Variants in ADGRV1 observed in about 807,000 individuals in gnomAD.
ADGRV1 encodes G-protein coupled receptor 98.
A neutral mutation model predicts 596.2 loss-of-function variants in ADGRV1; 359 were observed. That is an observed-to-expected ratio of 0.60 (90% CI 0.55 to 0.66). The LOEUF (loss-of-function observed/expected upper bound fraction) is 0.66. Among genes scored for constraint, ADGRV1 ranks in the 30% least tolerant of loss-of-function variants. The pLI, the probability that ADGRV1 is intolerant of heterozygous loss-of-function variation, is 0.00. For missense variants in ADGRV1, 7,274 were observed against 7,575.6 expected (o/e 0.96, Z 1.48); for synonymous variants, 2,681 against 2,679.2 (o/e 1.00, Z -0.02).
Position 90,729,762 on chromosome 5 carries a change from T to C in ADGRV1, c.10547T>C (p.Ile3516Thr), listed in dbSNP as rs756294827. Residue 3516 changes from isoleucine to threonine, a missense_variant and splice_region_variant, in exon 50 of 90, where the codon ATA becomes ACA. By Grantham distance (89) the Ile-to-Thr change is moderately conservative (BLOSUM62 -1). Coordinates refer to ENST00000405460, the MANE Select transcript of ADGRV1 (RefSeq NM_032119.4). ...CACTCCTTCACACCAGCCTCAGGAA[T>C]AGGTAAGGACTTTTCAACTGCTCAC... The part of the protein sequence containing the change: ...RIHSFTPASG[I>T]AHILLIGQDM... 77 of 1,613,378 alleles carry C rather than the reference T, an allele frequency of 4.8e-5. No homozygotes were observed. The highest frequency in any genetic ancestry group is 4.2e-4 in the East Asian group (19 of 44,830).
intron 70 of ADGRV1, chr5:90,793,108 TC>T (rs936578515): frequency 1.3e-5 from 2 of 152,342 alleles, no homozygotes; most frequent in African/African-American, 4.8e-5. Context: ...CTGTTGTAGT[TC>T]CTTGGGAAAC....
At chr5:91,021,347 C>T (rs190386451) in intron 85 of ADGRV1, among the ~76,000 whole-genome samples, 3 of 152,112 alleles carry the variant, frequency 2.0e-5, no homozygotes, top group South Asian at 4.1e-4. Flanking sequence ...ACTGTCTTTC[C>T]CTTGGTGGTA....
chr5:90,595,898 CACCT>C (rs1760436938), intron 1 of ADGRV1, among the ~76,000 whole-genome samples: 1 of 149,348 alleles, frequency 6.7e-6, no homozygotes, highest in Non-Finnish European at 1.5e-5. Flanking sequence ...TGACCCCCCC[CACCT>C]CCCTCCCGGA....
At chr5:91,002,815 A>C (rs10514341) in intron 85 of ADGRV1, among the ~76,000 whole-genome samples, 30,463 of 152,072 alleles carry the variant, frequency 0.2, 3,254 homozygotes, top group East Asian at 0.38. Context: ...TTTCAAATAT[A>C]GAGCCTAATT....
chr5:91,130,642 T>C (rs570070245), intron 87 of ADGRV1, among the ~76,000 whole-genome samples: 33 of 152,026 alleles, frequency 2.2e-4, no homozygotes, highest in Non-Finnish European at 3.8e-4. Context: ...ATTTTTTAAA[T>C]TTTAGATTCA....
At chr5:90,783,070 T>C (rs1254733841) in intron 65 of ADGRV1, 54 bp from the exon 66 acceptor site, 1 of 1,447,938 alleles carries the variant, frequency 6.9e-7, no homozygotes, top group Non-Finnish European at 9.7e-7. Flanking sequence ...GGCTGAATCT[T>C]ATAAGTTAGT....
At chr5:91,033,673 C>T (rs774070156) in intron 85 of ADGRV1, among the ~76,000 whole-genome samples, 6 of 152,136 alleles carry the variant, frequency 3.9e-5, no homozygotes, top group African/African-American at 1.2e-4. Context: ...CTCTGTGAGC[C>T]GCAGGACTTC....
intron 85 of ADGRV1, among the ~76,000 whole-genome samples, chr5:91,024,643 A>T (rs909093115): frequency 1.3e-5 from 2 of 151,986 alleles, no homozygotes; most frequent in Non-Finnish European, 2.9e-5. Context: ...TTCCATAAAA[A>T]TTTTTTTTGT....
At chr5:90,944,929 A>G (rs1343376747) in intron 83 of ADGRV1, among the ~76,000 whole-genome samples, 1 of 152,194 alleles carries the variant, frequency 6.6e-6, no homozygotes, top group Non-Finnish European at 1.5e-5. Flanking sequence ...ATTCAGGAAT[A>G]TTTACTTTTT....
chr5:90,754,296 CTT>C (rs200862809), intron 54 of ADGRV1, among the ~76,000 whole-genome samples: 1 of 152,100 alleles, frequency 6.6e-6, no homozygotes, highest in Non-Finnish European at 1.5e-5. Flanking sequence ...GTCAATTTCT[CTT>C]TTGAGTACTA....
chr5:91,000,884 G>T (rs1055387654), intron 85 of ADGRV1, among the ~76,000 whole-genome samples: 1 of 152,042 alleles, frequency 6.6e-6, no homozygotes, highest in Admixed American at 6.6e-5. Context: ...AGAATTCTCT[G>T]TTACTCGGGG....
At chr5:90,905,139 A>G (rs142099407) in intron 83 of ADGRV1, among the ~76,000 whole-genome samples, 80 of 151,984 alleles carry the variant, frequency 5.3e-4, no homozygotes, top group Non-Finnish European at 9.1e-4. Flanking sequence ...GATTACTACA[A>G]CTGTGTGGTA....
intron 83 of ADGRV1, among the ~76,000 whole-genome samples, chr5:90,866,280 G>T (rs1326238496): frequency 6.7e-6 from 1 of 148,692 alleles, no homozygotes; most frequent in African/African-American, 2.5e-5. Context: ...GAAATATGTA[G>T]ACTATTATAA....
In ADGRV1 at chr5:90,750,638, A is replaced by G; in HGVS notation, c.11062A>G (p.Ile3688Val). The G allele has an allele frequency of 3.1e-6, 5 of 1,612,786 alleles. No homozygotes were observed. Among genetic ancestry groups the G allele is most frequent in the Non-Finnish European group, 4.2e-6 (5 of 1,178,870 alleles). ...VERLKGTYGR[I>V]TIAWEADGSI... Reference sequence around the variant, plus strand: ...ACGCTTAAAAGGAACATATGGCCGTATAACCATAGCATGGGAAGCTGATGG... The same window carrying G: ...ACGCTTAAAAGGAACATATGGCCGTGTAACCATAGCATGGGAAGCTGATGG... Residue 3688 changes from isoleucine (I) to valine (V), a missense_variant, in exon 53 of 90, where the codon ATA (isoleucine) becomes GTA (valine). Ile to Val is a conservative substitution (Grantham distance 29). Transcript: ENST00000405460.
chr5:90,692,808 C>T (rs1281166583), intron 32 of ADGRV1, 22 bp downstream of exon 32: 2 of 1,551,102 alleles, frequency 1.3e-6, no homozygotes, highest in Non-Finnish European at 1.7e-6. Context: ...AGCTACTTGC[C>T]TCTGTGGGAG....
At position 90,706,287 on chromosome 5, in the gene ADGRV1, A is replaced by C. The variant is rs777262124; in HGVS notation, c.8623A>C (p.Thr2875Pro). 6.2e-7 allele frequency: 1 copy of C among 1,613,574 alleles called. No homozygotes were observed. Among genetic ancestry groups the C allele is most frequent in the South Asian group, 1.1e-5 (1 of 90,974 alleles). Residue 2875 changes from threonine (T) to proline (P), a missense_variant, in exon 38 of 90, where the codon ACA (threonine) becomes CCA (proline). Thr to Pro is a conservative substitution (Grantham distance 38). This residue lies in a region of ADGRV1 where 3,643 missense variants were observed against 3,809.2 expected (regional missense o/e 0.96). Coordinates refer to ENST00000405460, the MANE Select transcript of ADGRV1 (RefSeq NM_032119.4). ...TGGAATGCTGAGTCTGAAGAACCAA[A>C]CAGTAGGAAACCTAGCAGAGCCAGA... is the stretch of plus-strand genomic sequence containing the variant. Reference protein sequence around the residue: ...VPGMLSLKNQTVGNLAEPEVD... With the variant: ...VPGMLSLKNQPVGNLAEPEVD...
intron 87 of ADGRV1, among the ~76,000 whole-genome samples, chr5:91,116,332 T>C (rs543503538): frequency 6.6e-6 from 1 of 152,348 alleles, no homozygotes; most frequent in African/African-American, 2.4e-5. Context: ...TTTGTGATTG[T>C]AGGCAAATTA....
chr5:91,100,494 G>GAGGGAGGAAGGAAGGATGGA (rs1170601062), intron 86 of ADGRV1, among the ~76,000 whole-genome samples: 6 of 151,870 alleles, frequency 4.0e-5, no homozygotes, highest in Non-Finnish European at 8.8e-5. Flanking sequence ...AGGAAGCAGG[G>GAGGGAGGAAGGAAGGATGGA]AGGGAGGAAG....
chr5:90,598,428 T>G (rs1277226497), intron 1 of ADGRV1, among the ~76,000 whole-genome samples: 1 of 152,234 alleles, frequency 6.6e-6, no homozygotes, highest in African/African-American at 2.4e-5. Flanking sequence ...TTAGGGACCC[T>G]GTGGGCTAAA....
Sources: allele counts gnomAD v4.1 joint callset (sites outside exome capture counted in the v4.1 genomes callset), GRCh38; gene constraint gnomAD v4.1.1; regional missense constraint gnomAD v4.1.1; transcripts MANE v1.5; gene names NCBI Gene and HGNC (gene_info 2026-07-23, HGNC 2026-07-21).